Variants in PISD observed in about 807,000 individuals in gnomAD.
PISD encodes phosphatidylserine decarboxylase proenzyme, mitochondrial.
PISD carries 31 observed loss-of-function variants against 43.5 expected under a neutral mutation model. The observed-to-expected ratio is 0.71, with a 90% confidence interval of 0.54 to 0.96. The LOEUF is 0.96. Ranked by LOEUF, PISD falls within the 40% of genes least tolerant of loss-of-function variation. The pLI, the probability that PISD is intolerant of heterozygous loss-of-function variation, is 0.00. For missense variants in PISD, 523 were observed against 548.4 expected (o/e 0.95, Z 0.46); for synonymous variants, 259 against 228.7 (o/e 1.13, Z -1.20).
intron 1 of PISD, among the ~76,000 whole-genome samples, chr22:31,651,995 A>G (rs531163215): frequency 6.6e-6 from 1 of 152,176 alleles, no homozygotes; most frequent in Admixed American, 6.5e-5. Flanking sequence ...CCGAGTCAAT[A>G]AACATTTTTT....
Position 31,619,601 on chromosome 22 carries a change from GGAAAGAGACTCTA to G in PISD, c.1228_*10del. On this transcript the variant is annotated stop_lost and 3_prime_UTR_variant, in exon 8 of 8. Coordinates refer to ENST00000439502, the MANE Select transcript of PISD (RefSeq NM_001326411.2). ...AAAGATCCCTTAGCAGCCATAATCA[GGAAAGAGACTCTA>G]GAGCGAGCCCAGGGCTTCCCCAAAG... is the stretch of plus-strand genomic sequence containing the variant. 6.2e-7 allele frequency: 1 copy of G among 1,606,430 alleles called. No individual in the cohort carries two copies. Among genetic ancestry groups the G allele is most frequent in the Non-Finnish European group, 8.5e-7 (1 of 1,173,200 alleles).
chr22:31,635,510 C>T (rs901126636), intron 3 of PISD, among the ~76,000 whole-genome samples: 1 of 152,144 alleles, frequency 6.6e-6, no homozygotes, highest in Non-Finnish European at 1.5e-5. Flanking sequence ...ACCATGTTGG[C>T]CAGGCTCATC....
chr22:31,662,140 A>T lies in PISD; in HGVS notation c.65+4T>A, dbSNP rs981286983. ...CCCAAGGTAGTCTCTCCGCGCTGCT[A>T]TACCTGCTCCGCCACGGCGCGACCC... On this transcript the variant is annotated splice_donor_region_variant and intron_variant, in intron 1 of 7. Coordinates refer to ENST00000439502, the MANE Select transcript of PISD (RefSeq NM_001326411.2). 1.1e-5 allele frequency: 17 copies of T among 1,607,536 alleles called. No individual in the cohort carries two copies. Among genetic ancestry groups the T allele is most frequent in the Non-Finnish European group, 1.3e-5 (15 of 1,179,528 alleles).
rs1305966666 is a variant in PISD at position 31,662,162 on chromosome 22, A to ACCCCGTG, written c.40_46dup (p.Val16AlafsTer14). 6.2e-7 allele frequency: 1 copy of ACCCCGTG among 1,606,906 alleles called. No individual in the cohort carries two copies. The stretch of plus-strand genomic sequence containing the variant: ...GCTATACCTGCTCCGCCACGGCGCG[A>ACCCCGTG]CCCCGTGCAGTAATCCCAGACATCG... On this transcript the variant is annotated frameshift_variant, in exon 1 of 8. Coordinates refer to ENST00000439502, the MANE Select transcript of PISD (RefSeq NM_001326411.2). LOFTEE classifies it high-confidence loss of function.
chr22:31,645,196 T>G (rs905925680), intron 3 of PISD, among the ~76,000 whole-genome samples: 2 of 152,126 alleles, frequency 1.3e-5, no homozygotes, highest in African/African-American at 4.8e-5. Context: ...GCAGGCTATG[T>G]GTAGAAGGTA....
intron 3 of PISD, among the ~76,000 whole-genome samples, chr22:31,645,505 G>A (rs2073857674): frequency 1.3e-5 from 2 of 150,924 alleles, no homozygotes; most frequent in South Asian, 4.2e-4. Context: ...AGGAGTTCGA[G>A]AGCAGCCTGG....
chr22:31,623,295 T>A (rs2072683586), intron 3 of PISD, among the ~76,000 whole-genome samples: 1 of 152,218 alleles, frequency 6.6e-6, no homozygotes, highest in Non-Finnish European at 1.5e-5. Context: ...AACCACCCCT[T>A]TGGCATCCCG....
chr22:31,639,367 T>A (rs1315761916), intron 3 of PISD, among the ~76,000 whole-genome samples: 1 of 151,822 alleles, frequency 6.6e-6, no homozygotes, highest in Non-Finnish European at 1.5e-5. Flanking sequence ...AGAGACGGGG[T>A]TTCACCATGT....
chr22:31,632,647 C>T (rs2073256919), intron 3 of PISD, among the ~76,000 whole-genome samples: 1 of 152,190 alleles, frequency 6.6e-6, no homozygotes. Flanking sequence ...TGGGTGCACC[C>T]TGCCATGGGA....
At chr22:31,657,001 A>G (rs1033354882) in intron 1 of PISD, among the ~76,000 whole-genome samples, 1 of 152,202 alleles carries the variant, frequency 6.6e-6, no homozygotes, top group Non-Finnish European at 1.5e-5. Context: ...TGTAGTAGGC[A>G]TATATATCTA....
chr22:31,656,622 T>C (rs1368406066), intron 1 of PISD, among the ~76,000 whole-genome samples: 1 of 151,590 alleles, frequency 6.6e-6, no homozygotes, highest in East Asian at 1.9e-4. Context: ...CACTCCAGCC[T>C]GGGTGACAGA....
chr22:31,649,475 T>C (rs969263360), intron 2 of PISD, among the ~76,000 whole-genome samples: 2 of 152,166 alleles, frequency 1.3e-5, no homozygotes, highest in African/African-American at 4.8e-5. Flanking sequence ...GGCTCAGGCC[T>C]GTAATCCCAG....
At chr22:31,620,788 G>C in intron 6 of PISD, 75 bp from the exon 7 acceptor site, 2 of 1,560,290 alleles carry the variant, frequency 1.3e-6, no homozygotes, top group South Asian at 2.3e-5. Flanking sequence ...AAGACCCAAA[G>C]GGACTCATGG....
intron 1 of PISD, among the ~76,000 whole-genome samples, chr22:31,658,441 A>T (rs193002253): frequency 6.6e-6 from 1 of 152,346 alleles, no homozygotes; most frequent in Admixed American, 6.5e-5. Context: ...GTTATTATTA[A>T]GAGTTGATAT....
intron 3 of PISD, among the ~76,000 whole-genome samples, chr22:31,624,153 G>A (rs2072744653): frequency 6.6e-6 from 1 of 152,184 alleles, no homozygotes. Flanking sequence ...AGGCCCAGCT[G>A]CGGGGCACCT....
intron 3 of PISD, among the ~76,000 whole-genome samples, chr22:31,631,784 C>T (rs934527665): frequency 2.0e-5 from 3 of 152,260 alleles, no homozygotes; most frequent in Non-Finnish European, 2.9e-5. Flanking sequence ...GCCTTGTTCA[C>T]ATCTGTGGGA....
chr22:31,649,996 T>A (rs1195196272), intron 2 of PISD, among the ~76,000 whole-genome samples: 1 of 152,220 alleles, frequency 6.6e-6, no homozygotes, highest in African/African-American at 2.4e-5. Flanking sequence ...GAAGCAACCC[T>A]GACACCTTGA....
chr22:31,627,891 A>G, intron 3 of PISD: 1 of 308,630 alleles, frequency 3.2e-6, no homozygotes, highest in Non-Finnish European at 4.7e-6. Flanking sequence ...AGGGGGCCCT[A>G]CTGAGGAATC....
intron 3 of PISD, among the ~76,000 whole-genome samples, chr22:31,634,899 A>G (rs2073369846): frequency 6.7e-6 from 1 of 149,392 alleles, no homozygotes. Flanking sequence ...TGGCACGGTG[A>G]CTCATGCCTG....
Sources: allele counts gnomAD v4.1 joint callset (sites outside exome capture counted in the v4.1 genomes callset), GRCh38; gene constraint gnomAD v4.1.1; transcripts MANE v1.5; gene names NCBI Gene and HGNC (gene_info 2026-07-23, HGNC 2026-07-21).